LPP: variants seen among roughly 807,000 people sequenced by gnomAD.
LPP encodes the protein LIM domain containing preferred translocation partner in lipoma.
A neutral mutation model predicts 60.4 loss-of-function variants in LPP; 38 were observed. That is an observed-to-expected ratio of 0.63 (90% CI 0.49 to 0.83). The LOEUF is 0.83. Among genes scored for constraint, LPP ranks in the 40% least tolerant of loss-of-function variants. The pLI is 0.00. For synonymous variants in LPP, 328 were observed against 290.8 expected (o/e 1.13, Z -1.30); for missense variants, 902 against 783.6 (o/e 1.15, Z -1.80).
At chr3:188,298,732 C>T (rs1748751659) in intron 2 of LPP, among the ~76,000 whole-genome samples, 1 of 152,150 alleles carries the variant, frequency 6.6e-6, no homozygotes, top group African/African-American at 2.4e-5. Context: ...AGGGTGTGGT[C>T]TCAGCTGGAG....
At chr3:188,561,848 A>G (rs1830756489) in intron 6 of LPP, among the ~76,000 whole-genome samples, 1 of 152,034 alleles carries the variant, frequency 6.6e-6, no homozygotes, top group Non-Finnish European at 1.5e-5. Flanking sequence ...GGGCATTTGG[A>G]GGAGGGAGAC....
chr3:188,779,164 T>C (rs1024185456), intron 9 of LPP, among the ~76,000 whole-genome samples: 1 of 152,096 alleles, frequency 6.6e-6, no homozygotes, highest in Non-Finnish European at 1.5e-5. Flanking sequence ...GGAATGTTAG[T>C]GCACTTATAG....
At chr3:188,698,937 A>G (rs1863836155) in intron 7 of LPP, among the ~76,000 whole-genome samples, 1 of 152,236 alleles carries the variant, frequency 6.6e-6, no homozygotes, top group Non-Finnish European at 1.5e-5. Context: ...GAAGTCCTTT[A>G]TCAGCAGATG....
At chr3:188,248,253 AG>A (rs1402159636) in intron 2 of LPP, among the ~76,000 whole-genome samples, 2 of 151,768 alleles carry the variant, frequency 1.3e-5, no homozygotes, top group Non-Finnish European at 2.9e-5. Context: ...GGGCGAAGGG[AG>A]CGAAAGGGTT....
intron 3 of LPP, among the ~76,000 whole-genome samples, chr3:188,395,547 A>G (rs1017558660): frequency 2.6e-5 from 4 of 152,168 alleles, no homozygotes; most frequent in African/African-American, 9.7e-5. Flanking sequence ...TTTTCTTAAT[A>G]GATATTTAAG....
chr3:188,164,620 C>T (rs1223165892), intron 1 of LPP, among the ~76,000 whole-genome samples: 1 of 152,170 alleles, frequency 6.6e-6, no homozygotes, highest in African/African-American at 2.4e-5. Flanking sequence ...GCAAACTCTG[C>T]CCTGGCCAGG....
intron 7 of LPP, among the ~76,000 whole-genome samples, chr3:188,632,014 G>T (rs1032468353): frequency 6.6e-6 from 1 of 152,056 alleles, no homozygotes. Flanking sequence ...CCTTAGTAGG[G>T]GCCAGTGTAC....
chr3:188,342,462 T>G (rs747151840), intron 3 of LPP, among the ~76,000 whole-genome samples: 43 of 152,206 alleles, frequency 2.8e-4, no homozygotes, highest in Admixed American at 1.7e-3. Context: ...TCTCCTAAAG[T>G]CAACCTGCTG....
At chr3:188,458,550 G>A (rs1579054802) in intron 4 of LPP, among the ~76,000 whole-genome samples, 2 of 152,258 alleles carry the variant, frequency 1.3e-5, no homozygotes, top group East Asian at 1.9e-4. Flanking sequence ...GTACCGCCAG[G>A]AATATATTAT....
intron 6 of LPP, among the ~76,000 whole-genome samples, chr3:188,547,180 G>A (rs569817655): frequency 5.9e-5 from 9 of 152,300 alleles, no homozygotes; most frequent in African/African-American, 2.2e-4. Context: ...TGTAGGGCAA[G>A]TGATAAGCCT....
intron 10 of LPP, among the ~76,000 whole-genome samples, chr3:188,868,204 AT>A (rs1312813381): frequency 2.0e-5 from 3 of 152,250 alleles, no homozygotes; most frequent in African/African-American, 7.2e-5. Flanking sequence ...TCTTAGACTT[AT>A]CCTAATCCAA....
At chr3:188,403,281 A>G (rs1782671274) in intron 3 of LPP, among the ~76,000 whole-genome samples, 1 of 152,184 alleles carries the variant, frequency 6.6e-6, no homozygotes, top group Admixed American at 6.5e-5. Context: ...TATCTGTGCT[A>G]TATCCGAAAA....
chr3:188,880,878 A>AAT lies in LPP; in HGVS notation c.*6400_*6401dup. On this transcript the variant is annotated 3_prime_UTR_variant, in exon 12 of 12. Transcript: ENST00000617246. ...CGAATGCTATTCCCAAATAAAATAG[A>AAT]ATCATGCTTTGGGAGGCCAAGGCGG... 1 of 174,164 alleles carries AAT rather than the reference A, an allele frequency of 5.7e-6. No individual in the cohort carries two copies. Among genetic ancestry groups the AAT allele is most frequent in the East Asian group, 1.0e-4 (1 of 9,914 alleles). The allele number at this position is 174,164 out of a possible 1,614,324, so 10.8% of individuals were successfully genotyped here.
At chr3:188,773,385 T>A (rs923867920) in intron 9 of LPP, among the ~76,000 whole-genome samples, 5 of 152,046 alleles carry the variant, frequency 3.3e-5, no homozygotes, top group South Asian at 2.1e-4. Context: ...TAAATTTTTT[T>A]AATTCAGTCT....
At chr3:188,762,590 A>G (rs989174084) in intron 9 of LPP, among the ~76,000 whole-genome samples, 1 of 152,138 alleles carries the variant, frequency 6.6e-6, no homozygotes, top group Non-Finnish European at 1.5e-5. Flanking sequence ...GTGTGGGCTC[A>G]AGTTTCTATC....
intron 9 of LPP, among the ~76,000 whole-genome samples, chr3:188,835,342 G>A (rs865942008): frequency 2.6e-4 from 39 of 150,664 alleles, no homozygotes; most frequent in African/African-American, 8.8e-4. Context: ...GGTGGCAGAC[G>A]CCTGTAATCC....
chr3:188,787,779 C>T (rs1159914800), intron 9 of LPP, among the ~76,000 whole-genome samples: 2 of 152,206 alleles, frequency 1.3e-5, no homozygotes, highest in African/African-American at 4.8e-5. Flanking sequence ...AATCTCCCTT[C>T]TTGTCTCAAT....
intron 2 of LPP, among the ~76,000 whole-genome samples, chr3:188,330,915 T>G (rs1412739434): frequency 1.3e-5 from 2 of 152,176 alleles, no homozygotes; most frequent in Admixed American, 1.3e-4. Context: ...TAGGCCTTGG[T>G]GACTTACTCT....
At chr3:188,655,660 A>T (rs1193547565) in intron 7 of LPP, among the ~76,000 whole-genome samples, 1 of 152,198 alleles carries the variant, frequency 6.6e-6, no homozygotes, top group African/African-American at 2.4e-5. Flanking sequence ...GTTGTTTCCA[A>T]CCTTAAGTTT....
Sources: gnomAD v4.1 joint callset for allele counts (sites outside exome capture counted in the v4.1 genomes callset) on GRCh38, gnomAD v4.1.1 for gene constraint, MANE v1.5 for transcripts, NCBI Gene and HGNC (gene_info 2026-07-23, HGNC 2026-07-21) for gene names.